The following CAMK4 variants were observed in gnomAD, a reference collection of about 807,000 sequenced individuals.
CAMK4 encodes the protein calcium/calmodulin-dependent protein kinase type IV.
In CAMK4, 22 loss-of-function variants were observed where a neutral mutation model predicts 44.9. That is an observed-to-expected ratio of 0.49 (90% confidence interval 0.35 to 0.70). The LOEUF is 0.70. Among genes scored for constraint, CAMK4 ranks in the 30% least tolerant of loss-of-function variants. The pLI is 0.01. For missense variants in CAMK4, 498 were observed against 586.8 expected, an observed-to-expected ratio of 0.85 and a Z score of 1.56; for synonymous variants, 218 against 215.4, an observed-to-expected ratio of 1.01 and a Z score of -0.11.
intron 7 of CAMK4, among the ~76,000 whole-genome samples, chr5:111,464,586 C>G (rs1475247330): frequency 1.3e-5 from 2 of 152,074 alleles, no homozygotes; most frequent in Admixed American, 6.6e-5. Flanking sequence ...GCCATGTATT[C>G]TATGGAAGTG....
At chr5:111,440,280 C>T (rs1299115700) in intron 5 of CAMK4, among the ~76,000 whole-genome samples, 2 of 152,098 alleles carry the variant, frequency 1.3e-5, no homozygotes, top group Admixed American at 6.5e-5. Flanking sequence ...AGGGATGGCT[C>T]TGGAAGAACT....
At chr5:111,474,182 T>G (rs1389790402) in intron 8 of CAMK4, among the ~76,000 whole-genome samples, 1 of 152,250 alleles carries the variant, frequency 6.6e-6, no homozygotes, top group Non-Finnish European at 1.5e-5. Flanking sequence ...AGTTAGTTGT[T>G]GGAATGCATA....
intron 7 of CAMK4, among the ~76,000 whole-genome samples, chr5:111,464,899 G>C (rs958674455): frequency 6.6e-6 from 1 of 152,134 alleles, no homozygotes; most frequent in Non-Finnish European, 1.5e-5. Flanking sequence ...AACTTAACAG[G>C]AGTCTTCCTT....
chr5:111,406,057 G>A (rs306102), intron 5 of CAMK4, among the ~76,000 whole-genome samples: 81,257 of 144,294 alleles, frequency 0.56, 22,567 homozygotes, highest in African/African-American at 0.69. Context: ...TTAACACTTA[G>A]CATTACATTC....
At position 111,446,746 on chromosome 5, in the gene CAMK4, A is replaced by C; in HGVS notation, c.520A>C (p.Thr174Pro). The C allele has an allele frequency of 1.2e-6, 2 of 1,609,212 alleles. No homozygotes were observed. Among genetic ancestry groups the C allele is most frequent in the Non-Finnish European group, 1.7e-6 (2 of 1,175,932 alleles). The part of the protein sequence containing the change: ...DLKPENLLYA[T>P]PAPDAPLKIA... ...CAAACCAGAGAATCTTCTTTATGCA[A>C]CTCCAGCCCCAGATGCACCACTCAA... The change falls in exon 6 of 11, where the codon ACT (threonine) becomes CCT (proline). Residue 174 changes from threonine to proline, a missense_variant. Around this residue, in one of 3 missense-constraint regions of CAMK4, gnomAD observed 203 missense variants for 298.2 expected, o/e 0.68. Transcript: ENST00000282356.
At chr5:111,344,449 A>G (rs1749788497) in intron 2 of CAMK4, among the ~76,000 whole-genome samples, 1 of 150,708 alleles carries the variant, frequency 6.6e-6, no homozygotes, top group African/African-American at 2.4e-5. Context: ...CACACACACT[A>G]TATAATAATT....
At chr5:111,295,322 T>G (rs1196047407) in intron 1 of CAMK4, among the ~76,000 whole-genome samples, 1 of 152,210 alleles carries the variant, frequency 6.6e-6, no homozygotes, top group Non-Finnish European at 1.5e-5. Context: ...ATCCTACAAA[T>G]TTCTCATTTA....
chr5:111,386,729 C>T (rs886521989), intron 4 of CAMK4, among the ~76,000 whole-genome samples: 9 of 152,206 alleles, frequency 5.9e-5, no homozygotes, highest in Non-Finnish European at 8.8e-5. Flanking sequence ...ACCAGCACAG[C>T]GAGCAGTGGA....
chr5:111,323,594 C>G (rs1748751409), intron 1 of CAMK4, among the ~76,000 whole-genome samples: 1 of 151,642 alleles, frequency 6.6e-6, no homozygotes, highest in Non-Finnish European at 1.5e-5. Flanking sequence ...GACAATGGAA[C>G]AACACCTTCA....
At chr5:111,479,728 A>G (rs1755365863) in intron 9 of CAMK4, among the ~76,000 whole-genome samples, 1 of 152,194 alleles carries the variant, frequency 6.6e-6, no homozygotes, top group African/African-American at 2.4e-5. Context: ...TTCATGGAAC[A>G]GATTCCCTAA....
intron 1 of CAMK4, among the ~76,000 whole-genome samples, chr5:111,249,880 T>C (rs1749414748): frequency 6.6e-6 from 1 of 152,112 alleles, no homozygotes; most frequent in Non-Finnish European, 1.5e-5. Flanking sequence ...CAAAATTGCA[T>C]ACAGGAGGAG....
chr5:111,402,644 C>G (rs1752272692), intron 5 of CAMK4, among the ~76,000 whole-genome samples: 1 of 152,242 alleles, frequency 6.6e-6, no homozygotes, highest in Admixed American at 6.5e-5. Context: ...CTCCTAGCCT[C>G]CCTTGCAGCT....
intron 9 of CAMK4, among the ~76,000 whole-genome samples, chr5:111,480,080 CT>C (rs1214982177): frequency 6.6e-6 from 1 of 152,116 alleles, no homozygotes; most frequent in Non-Finnish European, 1.5e-5. Context: ...CTGCCACTCT[CT>C]CCTGTGCCAT....
rs1433439446 is a variant in CAMK4 at position 111,469,160 on chromosome 5, AAAAAAAAAAAAAATATATAT to A, written c.626-4149_626-4130del. ...ACTCCATCTCAAAAAAAAAAAAAAAAAAAAAAAAAAAAATATATATATATATATATATATATATATATATA... is the reference window on the plus strand; with the variant it reads ...ACTCCATCTCAAAAAAAAAAAAAAAAATATATATATATATATATATATATA... On this transcript the variant is annotated intron_variant, in intron 7 of 10. Coordinates refer to ENST00000282356, the MANE Select transcript of CAMK4 (RefSeq NM_001744.6). Among the ~76,000 whole-genome samples the A allele has an allele frequency of 2.1e-4, 19 of 91,432 alleles. 1 individual carries two copies. Among genetic ancestry groups the A allele is most frequent in the African/African-American group, 7.3e-4 (14 of 19,148 alleles). The allele number at this position is 91,432 out of a possible 152,430, so 60.0% of individuals were successfully genotyped here. A position where few individuals can be genotyped will look rare whatever the true frequency, so the allele number is the denominator to read the frequency against.
rs978318336 is a variant in CAMK4 at position 111,487,796 on chromosome 5, T to C, written c.*3330T>C. The C allele has an allele frequency of 2.6e-5, 4 of 152,142 alleles. No individual in the cohort carries two copies. Among genetic ancestry groups the C allele is most frequent in the African/African-American group, 9.7e-5 (4 of 41,430 alleles). The allele number at this position is 152,142 out of a possible 1,614,324, so 9.4% of individuals were successfully genotyped here. ...ATTTTAAGCAAAGTGACACTTGAAG[T>C]TCTATGCTTAGATTTAAGTGGCCTC... On this transcript the variant is annotated 3_prime_UTR_variant, in exon 11 of 11. Transcript: ENST00000282356.
intron 4 of CAMK4, among the ~76,000 whole-genome samples, chr5:111,379,617 T>A (rs886129641): frequency 6.6e-6 from 1 of 152,142 alleles, no homozygotes; most frequent in Non-Finnish European, 1.5e-5. Flanking sequence ...ATGTATTGAT[T>A]TCTTTCTTGA....
chr5:111,257,577 A>G (rs1749794559), intron 1 of CAMK4, among the ~76,000 whole-genome samples: 1 of 152,250 alleles, frequency 6.6e-6, no homozygotes, highest in Non-Finnish European at 1.5e-5. Context: ...CCATTGTGGA[A>G]GACAGTGTGG....
intron 1 of CAMK4, among the ~76,000 whole-genome samples, chr5:111,294,440 C>G (rs975273488): frequency 5.9e-5 from 9 of 152,038 alleles, no homozygotes; most frequent in African/African-American, 2.2e-4. Context: ...TTGTAATTTT[C>G]TTTTTTTACT....
intron 1 of CAMK4, among the ~76,000 whole-genome samples, chr5:111,335,332 A>T (rs1418239151): frequency 6.6e-6 from 1 of 151,374 alleles, no homozygotes; most frequent in Admixed American, 6.6e-5. Context: ...ATTAATATGA[A>T]CCCAGACTTC....
Sources: allele counts gnomAD v4.1 joint callset (sites outside exome capture counted in the v4.1 genomes callset), GRCh38; gene constraint gnomAD v4.1.1; regional missense constraint gnomAD v4.1.1; transcripts MANE v1.5; gene names NCBI Gene and HGNC (gene_info 2026-07-23, HGNC 2026-07-21).